The following UBE2E3 variants were observed in gnomAD, a reference collection of about 807,000 sequenced individuals.
UBE2E3 encodes ubiquitin-conjugating enzyme E2 E3.
In UBE2E3, 5 loss-of-function variants were observed where a neutral mutation model predicts 23.6. The ratio of observed to expected loss-of-function variants is 0.21; its 90% CI spans 0.11 to 0.44. The LOEUF (loss-of-function observed/expected upper bound fraction) is 0.44. Among genes scored for constraint, UBE2E3 ranks in the 20% least tolerant of loss-of-function variants. The probability of loss-of-function intolerance (pLI) is 0.99; values close to 1 mark genes in which losing one functional copy is unlikely to be tolerated. For missense variants in UBE2E3, 81 were observed against 249.8 expected, an observed-to-expected ratio of 0.32 and a Z score of 4.55; for synonymous variants, 78 against 87.5, an observed-to-expected ratio of 0.89 and a Z score of 0.60.
chr2:180,989,761 T>G (rs1465636633), intron 3 of UBE2E3: 17 of 1,088,862 alleles, frequency 1.6e-5, no homozygotes, highest in Non-Finnish European at 2.1e-5. Context: ...AAAAAAGTTA[T>G]ATGTTTACTT....
At chr2:181,016,568 A>G (rs975512362) in intron 3 of UBE2E3, among the ~76,000 whole-genome samples, 5 of 152,260 alleles carry the variant, frequency 3.3e-5, no homozygotes, top group South Asian at 2.1e-4. Flanking sequence ...TAACTTGACA[A>G]TTACCTGGCT....
intron 3 of UBE2E3, among the ~76,000 whole-genome samples, chr2:181,045,858 AC>A (rs1374233235): frequency 6.6e-6 from 1 of 151,726 alleles, no homozygotes; most frequent in Non-Finnish European, 1.5e-5. Flanking sequence ...ATATACACAT[AC>A]CCTTGGATAT....
At chr2:180,982,613 T>C (rs1684336632) in intron 2 of UBE2E3, among the ~76,000 whole-genome samples, 1 of 152,170 alleles carries the variant, frequency 6.6e-6, no homozygotes, top group Non-Finnish European at 1.5e-5. Context: ...TTCCAGAGAT[T>C]AGCAGTGCCT....
chr2:181,002,086 C>T (rs556757108), intron 3 of UBE2E3, among the ~76,000 whole-genome samples: 3 of 152,254 alleles, frequency 2.0e-5, no homozygotes, highest in African/African-American at 4.8e-5. Flanking sequence ...GCTAGAAATA[C>T]ATATGGCCTT....
chr2:180,995,741 T>A (rs976901810), intron 3 of UBE2E3, among the ~76,000 whole-genome samples: 35 of 148,662 alleles, frequency 2.4e-4, no homozygotes, highest in African/African-American at 8.6e-4. Flanking sequence ...CAGGCTGGAT[T>A]TTTTTTTTTT....
chr2:181,009,316 T>C (rs2105604979), intron 3 of UBE2E3, among the ~76,000 whole-genome samples: 1 of 152,272 alleles, frequency 6.6e-6, no homozygotes, highest in East Asian at 1.9e-4. Flanking sequence ...AAACCAACTT[T>C]GAATTACTAA....
chr2:181,012,988 G>A, intron 3 of UBE2E3, among the ~76,000 whole-genome samples: 1 of 152,058 alleles, frequency 6.6e-6, no homozygotes, highest in Admixed American at 6.6e-5. Flanking sequence ...AGGAAGACAT[G>A]CACATTAATT....
At chr2:181,021,632 T>TTTTC (rs1685699750) in intron 3 of UBE2E3, among the ~76,000 whole-genome samples, 1 of 39,994 alleles carries the variant, frequency 2.5e-5, no homozygotes, top group Non-Finnish European at 4.4e-5. Context: ...CCCTCCCTTT[T>TTTTC]TTCCTTCCTT....
chr2:180,996,812 T>C (rs991747745), intron 3 of UBE2E3, among the ~76,000 whole-genome samples: 3 of 152,210 alleles, frequency 2.0e-5, no homozygotes, highest in Non-Finnish European at 4.4e-5. Context: ...ACATAAAATG[T>C]ATGTTGACCA....
chr2:181,059,781 T>C (rs1330590122), intron 4 of UBE2E3, among the ~76,000 whole-genome samples: 1 of 151,626 alleles, frequency 6.6e-6, no homozygotes, highest in Non-Finnish European at 1.5e-5. Flanking sequence ...AGTGTGTTGG[T>C]CCCCTACCCC....
At chr2:181,022,704 A>G (rs1685747072) in intron 3 of UBE2E3, among the ~76,000 whole-genome samples, 1 of 151,802 alleles carries the variant, frequency 6.6e-6, no homozygotes, top group Admixed American at 6.6e-5. Flanking sequence ...TGCAAAAAGC[A>G]TGGTACTAAG....
intron 3 of UBE2E3, among the ~76,000 whole-genome samples, chr2:181,036,446 A>G (rs770653412): frequency 6.6e-6 from 1 of 152,232 alleles, no homozygotes; most frequent in Non-Finnish European, 1.5e-5. Context: ...GATTCCTGGC[A>G]GGGGCCATTG....
chr2:181,002,584 TAAAAC>T (rs1685021582), intron 3 of UBE2E3, among the ~76,000 whole-genome samples: 1 of 152,204 alleles, frequency 6.6e-6, no homozygotes, highest in East Asian at 1.9e-4. Context: ...CATTAGAATT[TAAAAC>T]AAAGGAAATG....
At chr2:181,039,237 A>G (rs6729509) in intron 3 of UBE2E3, among the ~76,000 whole-genome samples, 81,864 of 149,918 alleles carry the variant, frequency 0.55, 23,266 homozygotes, top group East Asian at 0.8. Context: ...TTACAGGACT[A>G]TACATTTGTC....
At chr2:180,988,732 T>G (rs1684560150) in intron 3 of UBE2E3, among the ~76,000 whole-genome samples, 1 of 152,198 alleles carries the variant, frequency 6.6e-6, no homozygotes, top group African/African-American at 2.4e-5. Context: ...AAATAACATG[T>G]GATCCCTATA....
At chr2:181,021,704 T>C (rs1574191310) in intron 3 of UBE2E3, among the ~76,000 whole-genome samples, 1 of 127,402 alleles carries the variant, frequency 7.8e-6, no homozygotes, top group East Asian at 2.4e-4. Context: ...AAATATACTA[T>C]ATCTATTAAT....
intron 3 of UBE2E3, among the ~76,000 whole-genome samples, chr2:181,055,643 C>T (rs1380061184): frequency 6.6e-6 from 1 of 151,700 alleles, no homozygotes; most frequent in African/African-American, 2.4e-5. Context: ...TACTCCAAGA[C>T]AATAGGAAAA....
intron 3 of UBE2E3, among the ~76,000 whole-genome samples, chr2:181,053,831 C>G (rs1352828641): frequency 1.3e-5 from 2 of 151,768 alleles, no homozygotes; most frequent in African/African-American, 4.8e-5. Flanking sequence ...CCTTACAGAT[C>G]CTCCGTGCTG....
chr2:181,055,402 C>G (rs56970984), intron 3 of UBE2E3, among the ~76,000 whole-genome samples: 35,142 of 151,400 alleles, frequency 0.23, 4,451 homozygotes, highest in Non-Finnish European at 0.28. Flanking sequence ...GTTTAAATTA[C>G]AGTGGACTCA....
Sources: allele counts gnomAD v4.1 joint callset (sites outside exome capture counted in the v4.1 genomes callset), GRCh38; gene constraint gnomAD v4.1.1; transcripts MANE v1.5; gene names NCBI Gene and HGNC (gene_info 2026-07-23, HGNC 2026-07-21).